Variants in ACCSL observed in about 807,000 individuals in gnomAD.
ACCSL encodes probable inactive 1-aminocyclopropane-1-carboxylate synthase-like protein 2.
In ACCSL, 55 loss-of-function variants were observed where a neutral mutation model predicts 61.7. The observed-to-expected ratio is 0.89, with a 90% confidence interval of 0.72 to 1.12. The LOEUF (loss-of-function observed/expected upper bound fraction) is 1.12, where lower values mean the gene tolerates loss of function less well. ACCSL is among the 50% of genes most tolerant of loss of function. The pLI is 0.00. For missense variants in ACCSL, 632 were observed against 698.0 expected, an observed-to-expected ratio of 0.91 and a Z score of 1.07; for synonymous variants, 258 against 264.3, an observed-to-expected ratio of 0.98 and a Z score of 0.23.
At chr11:43,998,784 A>G in the ACCSL span, among the ~76,000 whole-genome samples, 33 of 148,538 alleles carry the variant, frequency 2.2e-4, no homozygotes, top group East Asian at 6.3e-3. Flanking sequence ...TTTTGAGACA[A>G]TGTCTCTCTC....
chr11:43,992,804 G>A, the ACCSL span, among the ~76,000 whole-genome samples: 6 of 152,216 alleles, frequency 3.9e-5, no homozygotes, highest in Admixed American at 3.9e-4. Flanking sequence ...ACCACGAAAT[G>A]TATAATGGTT....
chr11:43,927,314 T>A, the ACCSL span, among the ~76,000 whole-genome samples: 8 of 152,234 alleles, frequency 5.3e-5, no homozygotes, highest in African/African-American at 1.9e-4. Flanking sequence ...GTAACCCTTT[T>A]GTTGGTTTTG....
chr11:44,054,240 A>C (rs1952657161), intron 8 of ACCSL, among the ~76,000 whole-genome samples: 2 of 152,142 alleles, frequency 1.3e-5, no homozygotes, highest in South Asian at 4.1e-4. Context: ...AGAAATTATA[A>C]CCTTCCATTT....
chr11:43,982,401 TA>T, the ACCSL span, among the ~76,000 whole-genome samples: 3 of 151,880 alleles, frequency 2.0e-5, no homozygotes, highest in African/African-American at 7.3e-5. Context: ...CTAATTTTTG[TA>T]TTTTTAGTAG....
chr11:43,981,283 G>A, the ACCSL span, among the ~76,000 whole-genome samples: 1 of 152,250 alleles, frequency 6.6e-6, no homozygotes, highest in East Asian at 1.9e-4. Flanking sequence ...CATGGTTGAG[G>A]TCAGCTCCTA....
At chr11:44,045,908 A>G (rs1399322858), upstream of ACCSL, among the ~76,000 whole-genome samples, 2 of 152,224 alleles carry the variant, frequency 1.3e-5, no homozygotes, top group African/African-American at 4.8e-5. Context: ...GGGAAAAGGA[A>G]GAAGATGCCT....
intron 11 of ACCSL, 96 bp downstream of exon 11, chr11:44,056,422 C>T: frequency 2.8e-6 from 4 of 1,420,570 alleles, no homozygotes; most frequent in African/African-American, 1.4e-5. Context: ...CCTTAATATA[C>T]TGAGACCCTA....
the ACCSL span, among the ~76,000 whole-genome samples, chr11:43,969,668 C>A: frequency 6.6e-6 from 1 of 152,092 alleles, no homozygotes; most frequent in African/African-American, 2.4e-5. Flanking sequence ...CTGCTGACTT[C>A]GCAGAGCCTG....
chr11:44,038,524 G>A, the ACCSL span, among the ~76,000 whole-genome samples: 3 of 152,208 alleles, frequency 2.0e-5, no homozygotes, highest in African/African-American at 7.2e-5. Context: ...TGGAGAGGCA[G>A]CATGTGCAAA....
At chr11:43,942,707 C>A in the ACCSL span, 8 of 159,012 alleles carry the variant, frequency 5.0e-5, no homozygotes, top group Non-Finnish European at 9.3e-5. Context: ...CCCGTGCCCC[C>A]CGACGGGTCC....
intron 10 of ACCSL, 25 bp from the exon 11 acceptor site, chr11:44,056,160 C>G: frequency 6.2e-7 from 1 of 1,614,180 alleles, no homozygotes; most frequent in Non-Finnish European, 8.5e-7. Context: ...AACACTTGTT[C>G]CTGTTCCTGC....
chr11:43,931,489 A>G, the ACCSL span, among the ~76,000 whole-genome samples: 1 of 152,044 alleles, frequency 6.6e-6, no homozygotes, highest in African/African-American at 2.4e-5. Context: ...AGGGGTCACC[A>G]CTGTGGGAGG....
the ACCSL span, among the ~76,000 whole-genome samples, chr11:43,925,638 G>C: frequency 1.3e-5 from 2 of 152,104 alleles, no homozygotes; most frequent in Admixed American, 1.3e-4. Context: ...CTGGGGAGCA[G>C]CTCTGACACC....
At chr11:43,951,625 C>T in the ACCSL span, among the ~76,000 whole-genome samples, 1 of 152,218 alleles carries the variant, frequency 6.6e-6, no homozygotes, top group Non-Finnish European at 1.5e-5. Flanking sequence ...CCCCCCAAAG[C>T]AACCCCCAAA....
the ACCSL span, among the ~76,000 whole-genome samples, chr11:43,988,452 T>C: frequency 6.6e-6 from 1 of 151,016 alleles, no homozygotes; most frequent in Non-Finnish European, 1.5e-5. Context: ...GACAGGAGGG[T>C]GTTACGGAGC....
chr11:44,054,447 C>CTTT (rs67313576), intron 8 of ACCSL, among the ~76,000 whole-genome samples: 7 of 138,420 alleles, frequency 5.1e-5, no homozygotes, highest in African/African-American at 8.1e-5. Flanking sequence ...TTCTTTCTTT[C>CTTT]TTTTTTTTTT....
the ACCSL span, among the ~76,000 whole-genome samples, chr11:43,948,628 C>G: frequency 2.6e-5 from 4 of 152,266 alleles, no homozygotes; most frequent in African/African-American, 9.6e-5. Context: ...CATGCACCAC[C>G]ACACTTGACT....
chr11:43,938,751 G>A, the ACCSL span, among the ~76,000 whole-genome samples: 11 of 152,126 alleles, frequency 7.2e-5, no homozygotes, highest in Non-Finnish European at 7.3e-5. Context: ...GCAGTGAACC[G>A]AGATTGCACC....
At chr11:44,034,127 C>T in the ACCSL span, among the ~76,000 whole-genome samples, 1 of 152,070 alleles carries the variant, frequency 6.6e-6, no homozygotes, top group Non-Finnish European at 1.5e-5. Context: ...CTAATGCAAG[C>T]TGTGGTCATT....
Sources: allele counts gnomAD v4.1 joint callset (sites outside exome capture counted in the v4.1 genomes callset), GRCh38; gene constraint gnomAD v4.1.1; transcripts MANE v1.5; gene names NCBI Gene and HGNC (gene_info 2026-07-23, HGNC 2026-07-21).